The following TOGARAM2 variants were observed in gnomAD, a reference collection of about 807,000 sequenced individuals.
The protein encoded by TOGARAM2 is TOG array regulator of axonemal microtubules protein 2.
In TOGARAM2, 85 loss-of-function variants were observed where a neutral mutation model predicts 93.3. That is an observed-to-expected ratio of 0.91 (90% confidence interval 0.76 to 1.09). The LOEUF is 1.09. Ranked by LOEUF, TOGARAM2 falls within the 50% of genes least tolerant of loss-of-function variation. TOGARAM2 has a pLI of 0.00. For missense variants in TOGARAM2, 1,277 were observed against 1,334.5 expected (o/e 0.96, Z 0.67); for synonymous variants, 593 against 552.8 (o/e 1.07, Z -1.02).
intron 1 of TOGARAM2, among the ~76,000 whole-genome samples, chr2:28,989,082 C>A (rs961852506): frequency 6.6e-6 from 1 of 152,330 alleles, no homozygotes; most frequent in Middle Eastern, 3.4e-3. Context: ...TGGAGTCTTG[C>A]TCTGTCGCCC....
In TOGARAM2 at chr2:29,033,010, T is replaced by C. The variant is rs1352830571; in HGVS notation, c.2089T>C (p.Ser697Pro). The part of the protein sequence containing the change: ...FDAFLKQSLP[S>P]YDLQKVMAAI... Reference sequence around the variant, plus strand: ...TGCATTTCTGAAGCAATCTCTCCCATCTTACGACTTGCAGAAGGTCATGGC... The same window carrying C: ...TGCATTTCTGAAGCAATCTCTCCCACCTTACGACTTGCAGAAGGTCATGGC... Residue 697 changes from serine (S) to proline (P), a missense_variant, in exon 15 of 20, where the codon TCT becomes CCT. Physicochemically the swap from Ser to Pro is moderately conservative, Grantham distance 74 (BLOSUM62 -1). Transcript: ENST00000379558. 12 of 1,613,780 alleles carry C rather than the reference T, an allele frequency of 7.4e-6. No individual in the cohort carries two copies. The highest frequency in any genetic ancestry group is 1.0e-5 in the Non-Finnish European group (12 of 1,179,878).
At chr2:29,029,667 A>G (rs191691693) in intron 14 of TOGARAM2, among the ~76,000 whole-genome samples, 2,995 of 147,766 alleles carry the variant, frequency 0.02, 61 homozygotes, top group Middle Eastern at 0.04. Flanking sequence ...GAGGCAGGAG[A>G]ATGGCGTGAA....
At chr2:29,006,515 G>A (rs1203487864) in intron 6 of TOGARAM2, among the ~76,000 whole-genome samples, 1 of 151,982 alleles carries the variant, frequency 6.6e-6, no homozygotes, top group African/African-American at 2.4e-5. Flanking sequence ...GTGTGCTCAG[G>A]GCCTATGGGC....
intron 1 of TOGARAM2, among the ~76,000 whole-genome samples, chr2:28,983,983 T>A (rs993598835): frequency 6.6e-6 from 1 of 152,076 alleles, no homozygotes; most frequent in Non-Finnish European, 1.5e-5. Flanking sequence ...CTCTGTGATC[T>A]CAGCCCCTCA....
rs75715948 is a variant in TOGARAM2, at chr2:29,022,379, C to T, written c.1511+71C>T. 861 of 1,555,278 alleles carry T rather than the reference C, an allele frequency of 5.5e-4. 9 individuals carry two copies. In the African/African-American group the frequency reaches 0.011, roughly 19 times the overall value. ...GGGCTGTTGCAGAATAGCTTCTGCCCCTCAACTTCCCTCCTCTCCCACTCT... is the reference window on the plus strand; with the variant it reads ...GGGCTGTTGCAGAATAGCTTCTGCCTCTCAACTTCCCTCCTCTCCCACTCT... On this transcript the variant is annotated intron_variant, in intron 11 of 19. Coordinates refer to ENST00000379558, the MANE Select transcript of TOGARAM2 (RefSeq NM_199280.4).
chr2:29,025,986 G>A (rs561516433), intron 13 of TOGARAM2, among the ~76,000 whole-genome samples: 1 of 152,228 alleles, frequency 6.6e-6, no homozygotes, highest in East Asian at 1.9e-4. Flanking sequence ...GGCGGAGAAG[G>A]CAACCAGCCA....
Position 29,033,096 on chromosome 2 carries a change from G to A in TOGARAM2, c.2130+45G>A, listed in dbSNP as rs1269381950. 2.0e-6 allele frequency: 3 copies of A among 1,528,310 alleles called. No homozygotes were observed. In the Admixed American group the frequency reaches 5.4e-5, roughly 28 times the overall value. 94.7% of individuals were successfully genotyped at this position (1,528,310 alleles called of 1,614,324 possible). A position where few individuals can be genotyped will look rare whatever the true frequency, so the allele number is the denominator to read the frequency against. ...TGGGTCATGGCCTTTTGGGGGTGGG[G>A]GTGACAGTGCTGAGCCTGGTAGCCT... On this transcript the variant is annotated intron_variant, in intron 15 of 19. Coordinates refer to ENST00000379558, the MANE Select transcript of TOGARAM2 (RefSeq NM_199280.4).
chr2:28,992,358 C>T (rs72786168), intron 1 of TOGARAM2, among the ~76,000 whole-genome samples: 13,197 of 151,942 alleles, frequency 0.087, 771 homozygotes, highest in African/African-American at 0.16. Context: ...CCTGAAGGGT[C>T]GAAGGTGTAG....
intron 1 of TOGARAM2, among the ~76,000 whole-genome samples, chr2:28,971,335 C>T (rs958547528): frequency 4.6e-5 from 7 of 152,028 alleles, no homozygotes; most frequent in Admixed American, 1.3e-4. Flanking sequence ...CCTCAGCTTT[C>T]GGAGTAGCTG....
intron 1 of TOGARAM2, among the ~76,000 whole-genome samples, chr2:28,957,344 C>T (rs1411974786): frequency 3.9e-5 from 6 of 151,958 alleles, no homozygotes; most frequent in Non-Finnish European, 7.4e-5. Context: ...CCACGCCTGG[C>T]TCATTTTTGT....
chr2:28,995,465 G>C (rs1672945989), intron 2 of TOGARAM2, among the ~76,000 whole-genome samples: 2 of 152,238 alleles, frequency 1.3e-5, no homozygotes, highest in Admixed American at 1.3e-4. Flanking sequence ...CAGAGAAGCA[G>C]GATGGCCAGA....
intron 6 of TOGARAM2, among the ~76,000 whole-genome samples, chr2:29,007,809 G>A (rs6713517): frequency 0.74 from 111,803 of 151,678 alleles, 42,692 homozygotes; most frequent in Non-Finnish European, 0.85. Flanking sequence ...CTTGTTCTGT[G>A]GGGCCTTCTT....
chr2:28,968,431 T>C (rs1671896602), intron 1 of TOGARAM2, among the ~76,000 whole-genome samples: 1 of 152,042 alleles, frequency 6.6e-6, no homozygotes, highest in Non-Finnish European at 1.5e-5. Flanking sequence ...TCCCTGCCCT[T>C]CTCCACTCCC....
intron 6 of TOGARAM2, among the ~76,000 whole-genome samples, chr2:29,007,259 T>G (rs1663940595): frequency 6.6e-6 from 1 of 152,180 alleles, no homozygotes; most frequent in African/African-American, 2.4e-5. Context: ...TCCTGGCTGA[T>G]GTGATCCAGC....
chr2:29,002,769 G>A, intron 5 of TOGARAM2, 22 bp downstream of exon 5: 1 of 1,605,578 alleles, frequency 6.2e-7, no homozygotes, highest in Non-Finnish European at 8.5e-7. Flanking sequence ...CGACTGCTGT[G>A]AGTCTGGTCC....
intron 1 of TOGARAM2, among the ~76,000 whole-genome samples, chr2:28,970,542 T>G (rs1396515749): frequency 1.3e-5 from 2 of 152,196 alleles, no homozygotes; most frequent in Non-Finnish European, 2.9e-5. Context: ...CTTTGGGTAT[T>G]CTAGGGAATG....
intron 14 of TOGARAM2, among the ~76,000 whole-genome samples, chr2:29,030,734 T>A (rs1375041198): frequency 6.6e-6 from 1 of 152,172 alleles, no homozygotes; most frequent in African/African-American, 2.4e-5. Context: ...TGCCAAGGTG[T>A]CTTTAGTCCT....
intron 1 of TOGARAM2, among the ~76,000 whole-genome samples, chr2:28,982,433 G>A (rs1227749141): frequency 6.6e-6 from 1 of 152,178 alleles, no homozygotes; most frequent in African/African-American, 2.4e-5. Context: ...GCCCCAGGAA[G>A]TGGTGTGAGG....
intron 1 of TOGARAM2, among the ~76,000 whole-genome samples, chr2:28,992,176 T>C (rs574605392): frequency 6.6e-5 from 10 of 152,296 alleles, no homozygotes; most frequent in African/African-American, 2.4e-4. Context: ...CTGATTCTGA[T>C]TTTTATAGTT....
Sources: gnomAD v4.1 joint callset for allele counts (sites outside exome capture counted in the v4.1 genomes callset) on GRCh38, gnomAD v4.1.1 for gene constraint, MANE v1.5 for transcripts, NCBI Gene and HGNC (gene_info 2026-07-23, HGNC 2026-07-21) for gene names.